The following AGBL1 variants were observed in gnomAD, a reference collection of about 807,000 sequenced individuals.
AGBL1 encodes the protein cytosolic carboxypeptidase 4.
Under a neutral mutation model 118.9 loss-of-function variants are expected in AGBL1, and 130 were observed. The ratio of observed to expected loss-of-function variants is 1.09; its 90% CI spans 0.95 to 1.26. The LOEUF (loss-of-function observed/expected upper bound fraction) is 1.26, where lower values mean the gene tolerates loss of function less well. AGBL1 is among the 50% of genes most tolerant of loss of function. AGBL1 has a pLI of 0.00. For synonymous variants in AGBL1, 555 were observed against 478.9 expected, an observed-to-expected ratio of 1.16 and a Z score of -2.08; for missense variants, 1,584 against 1,298.1, an observed-to-expected ratio of 1.22 and a Z score of -3.38.
At chr15:86,771,802 CCT>C (rs1462140301) in intron 22 of AGBL1, among the ~76,000 whole-genome samples, 4 of 151,990 alleles carry the variant, frequency 2.6e-5, no homozygotes, top group Non-Finnish European at 4.4e-5. Flanking sequence ...GACCATTCTG[CCT>C]CTCTTAGCTG....
At chr15:86,493,764 A>G (rs1339302180) in intron 18 of AGBL1, among the ~76,000 whole-genome samples, 2 of 151,860 alleles carry the variant, frequency 1.3e-5, no homozygotes, top group African/African-American at 2.4e-5. Context: ...TCTAAACATC[A>G]TCGACTCCAG....
At chr15:86,146,539 C>G (rs2077035859) in intron 3 of AGBL1, among the ~76,000 whole-genome samples, 1 of 152,164 alleles carries the variant, frequency 6.6e-6, no homozygotes, top group South Asian at 2.1e-4. Context: ...TATTGCATGT[C>G]ACATGCTTAT....
intron 10 of AGBL1, among the ~76,000 whole-genome samples, chr15:86,263,349 T>G (rs1160803148): frequency 6.6e-6 from 1 of 152,216 alleles, no homozygotes; most frequent in Non-Finnish European, 1.5e-5. Context: ...ATAGCCTAGG[T>G]ACACCGTAGG....
chr15:87,015,065 T>G (rs1338589136), intron 24 of AGBL1, among the ~76,000 whole-genome samples: 1 of 152,126 alleles, frequency 6.6e-6, no homozygotes, highest in African/African-American at 2.4e-5. Context: ...AAAGCATCAA[T>G]TCTCTCTTTC....
chr15:86,742,355 C>T (rs2077692727), intron 22 of AGBL1, among the ~76,000 whole-genome samples: 1 of 152,130 alleles, frequency 6.6e-6, no homozygotes, highest in African/African-American at 2.4e-5. Flanking sequence ...TGTCGAGTCC[C>T]TTTGTCAAGA....
At chr15:86,465,792 T>C (rs1037969183) in intron 18 of AGBL1, among the ~76,000 whole-genome samples, 2 of 152,180 alleles carry the variant, frequency 1.3e-5, no homozygotes, top group Non-Finnish European at 2.9e-5. Context: ...TCAATGACAA[T>C]GTGTGCCCAG....
chr15:86,956,402 T>C (rs1347981097), intron 23 of AGBL1, among the ~76,000 whole-genome samples: 1 of 152,056 alleles, frequency 6.6e-6, no homozygotes, highest in South Asian at 2.1e-4. Context: ...TTCTAAGACA[T>C]TGGCTCATAC....
intron 22 of AGBL1, among the ~76,000 whole-genome samples, chr15:86,774,457 T>C (rs958305069): frequency 6.6e-6 from 1 of 152,146 alleles, no homozygotes; most frequent in East Asian, 1.9e-4. Flanking sequence ...AATGTTTATT[T>C]AGAATTTTTC....
At chr15:86,881,334 C>G (rs1364920749) in intron 22 of AGBL1, among the ~76,000 whole-genome samples, 1 of 152,166 alleles carries the variant, frequency 6.6e-6, no homozygotes. Context: ...TTACTGCAAA[C>G]CTCCACATCC....
At chr15:86,355,952 C>T (rs896166520) in intron 17 of AGBL1, among the ~76,000 whole-genome samples, 8 of 152,220 alleles carry the variant, frequency 5.3e-5, no homozygotes, top group Non-Finnish European at 1.5e-5. Flanking sequence ...CTCATGGGAG[C>T]CACCACTCTG....
In AGBL1 at chr15:86,397,442, C is replaced by T. The variant is rs1367647; in HGVS notation, c.2451C>T (p.Thr817=). The part of the protein sequence containing the change: ...ESNASWVMKG[T]LEFLVSSDPV... ...ATGCCAGTTGGGTGATGAAGGGTAC[C>T]TTGGAGTTCCTGGTCAGCAGTGACC... Residue 817 remains threonine (T), a synonymous_variant, in exon 18 of 23, where the codon ACC becomes ACT. Transcript: ENST00000614907. 205,432 of 1,612,432 alleles carry T rather than the reference C, an allele frequency of 0.13. 13,991 individuals carry two copies. Among genetic ancestry groups the T allele is most frequent in the Admixed American group, 0.18 (10,913 of 59,900 alleles).
intron 18 of AGBL1, among the ~76,000 whole-genome samples, chr15:86,467,476 T>C (rs961718850): frequency 6.6e-6 from 1 of 152,174 alleles, no homozygotes; most frequent in Non-Finnish European, 1.5e-5. Flanking sequence ...TCCAGGGCAG[T>C]GAAAGGTTCT....
chr15:86,748,693 T>G (rs1287970443), intron 22 of AGBL1, among the ~76,000 whole-genome samples: 1 of 151,812 alleles, frequency 6.6e-6, no homozygotes, highest in Admixed American at 6.6e-5. Context: ...TTGTATAAGG[T>G]GTAAGGAAGT....
At chr15:86,194,424 C>T (rs1402365112) in intron 5 of AGBL1, among the ~76,000 whole-genome samples, 4 of 152,312 alleles carry the variant, frequency 2.6e-5, no homozygotes, top group East Asian at 3.9e-4. Context: ...TGTTCTTTTG[C>T]TTTCCACTAT....
At chr15:86,410,743 G>A (rs760044995) in intron 18 of AGBL1, among the ~76,000 whole-genome samples, 2 of 132,744 alleles carry the variant, frequency 1.5e-5, no homozygotes, top group Non-Finnish European at 3.1e-5. Context: ...AGAGATCCAG[G>A]ATAAGCCATG....
intron 18 of AGBL1, among the ~76,000 whole-genome samples, chr15:86,456,909 T>A (rs1440653455): frequency 1.3e-5 from 2 of 152,192 alleles, no homozygotes; most frequent in African/African-American, 4.8e-5. Context: ...CATTTGAATA[T>A]CTTCAAAAAG....
intron 18 of AGBL1, among the ~76,000 whole-genome samples, chr15:86,440,791 C>A (rs903201399): frequency 2.0e-5 from 3 of 152,162 alleles, no homozygotes; most frequent in Non-Finnish European, 4.4e-5. Context: ...TTCCATCAAA[C>A]TCCAGAACAT....
chr15:86,205,584 G>A (rs887283226), intron 5 of AGBL1, among the ~76,000 whole-genome samples: 1 of 152,234 alleles, frequency 6.6e-6, no homozygotes, highest in African/African-American at 2.4e-5. Flanking sequence ...CAATGAGTGA[G>A]AATTCCTGTT....
At chr15:87,024,514 CCAGA>C (rs1286748490) in intron 24 of AGBL1, among the ~76,000 whole-genome samples, 2 of 151,706 alleles carry the variant, frequency 1.3e-5, no homozygotes, top group Non-Finnish European at 1.5e-5. Context: ...AAGTTCAGGA[CCAGA>C]CAGATTCCCA....
Sources: gnomAD v4.1 joint callset for allele counts (sites outside exome capture counted in the v4.1 genomes callset) on GRCh38, gnomAD v4.1.1 for gene constraint, MANE v1.5 for transcripts, NCBI Gene and HGNC (gene_info 2026-07-23, HGNC 2026-07-21) for gene names.